The following LOXL2 variants were observed in gnomAD, a reference collection of about 807,000 sequenced individuals.
LOXL2 encodes lysyl oxidase like 2.
In LOXL2, 70 loss-of-function variants were observed where a neutral mutation model predicts 93.0. The observed-to-expected ratio is 0.75, with a 90% confidence interval of 0.62 to 0.92. The LOEUF (loss-of-function observed/expected upper bound fraction) is 0.92, where lower values mean the gene tolerates loss of function less well. Ranked by LOEUF, LOXL2 falls within the 40% of genes least tolerant of loss-of-function variation. The pLI, the probability that LOXL2 is intolerant of heterozygous loss-of-function variation, is 0.00. For missense variants in LOXL2, 973 were observed against 1,054.9 expected (o/e 0.92, Z 1.08); for synonymous variants, 438 against 413.2 (o/e 1.06, Z -0.73).
intron 12 of LOXL2, among the ~76,000 whole-genome samples, chr8:23,299,596 G>A (rs997332893): frequency 3.9e-5 from 6 of 152,174 alleles, no homozygotes; most frequent in Non-Finnish European, 8.8e-5. Context: ...TGTCTGTGAG[G>A]GAACAGAAAA....
chr8:23,322,348 G>T, intron 6 of LOXL2, 67 bp from the exon 7 acceptor site: 2 of 1,459,454 alleles, frequency 1.4e-6, no homozygotes, highest in Non-Finnish European at 1.9e-6. Flanking sequence ...TGGCAAGAAA[G>T]CCCTGGACAA....
chr8:23,401,672 A>C (rs1425943273), intron 1 of LOXL2, among the ~76,000 whole-genome samples: 2 of 152,198 alleles, frequency 1.3e-5, no homozygotes, highest in African/African-American at 4.8e-5. Flanking sequence ...GTTTTCTGGG[A>C]CTCAACACCT....
chr8:23,359,525 G>A (rs1048117484), intron 3 of LOXL2, among the ~76,000 whole-genome samples: 2 of 152,148 alleles, frequency 1.3e-5, no homozygotes, highest in African/African-American at 4.8e-5. Flanking sequence ...ACAACCATAA[G>A]AGCCTGCGTG....
chr8:23,401,743 A>T (rs1800154322), intron 1 of LOXL2, among the ~76,000 whole-genome samples: 1 of 152,236 alleles, frequency 6.6e-6, no homozygotes. Flanking sequence ...AAGCCCTTCC[A>T]CACTGGCCAT....
intron 3 of LOXL2, among the ~76,000 whole-genome samples, chr8:23,345,147 T>G (rs1214755195): frequency 6.6e-6 from 1 of 152,212 alleles, no homozygotes; most frequent in Non-Finnish European, 1.5e-5. Context: ...ACATGATAAA[T>G]CTTGGCAAGC....
At chr8:23,370,205 T>C (rs554486575) in intron 1 of LOXL2, among the ~76,000 whole-genome samples, 7 of 152,216 alleles carry the variant, frequency 4.6e-5, no homozygotes, top group African/African-American at 1.4e-4. Flanking sequence ...TATCAGCCTA[T>C]ACCAGCTTCA....
chr8:23,400,887 C>T (rs74689427), intron 1 of LOXL2, among the ~76,000 whole-genome samples: 2,192 of 152,252 alleles, frequency 0.014, 48 homozygotes, highest in African/African-American at 0.049. Flanking sequence ...GGAAACAAAC[C>T]CTGGCTTCCT....
At chr8:23,342,043 G>A (rs527651159) in intron 3 of LOXL2, among the ~76,000 whole-genome samples, 2 of 151,644 alleles carry the variant, frequency 1.3e-5, no homozygotes, top group African/African-American at 4.8e-5. Flanking sequence ...AAGATTCATT[G>A]GCAGGGCCCT....
At chr8:23,328,728 T>TGTGTGTGC (rs1008687608) in intron 5 of LOXL2, 163 bp from the exon 6 acceptor site, 1 of 629,260 alleles carries the variant, frequency 1.6e-6, no homozygotes, top group Non-Finnish European at 2.8e-6. Flanking sequence ...TGTGTGTGTG[T>TGTGTGTGC]GTGTGTGTGT....
chr8:23,322,614 C>T (rs956388629), intron 6 of LOXL2, among the ~76,000 whole-genome samples: 2 of 152,150 alleles, frequency 1.3e-5, no homozygotes, highest in East Asian at 1.9e-4. Context: ...GTTTCCTTCC[C>T]GACTTTAATA....
intron 1 of LOXL2, among the ~76,000 whole-genome samples, chr8:23,374,723 T>C (rs1404572122): frequency 6.6e-6 from 1 of 152,274 alleles, no homozygotes; most frequent in Non-Finnish European, 1.5e-5. Flanking sequence ...TTTATTCATG[T>C]GTCTGTTGGC....
At chr8:23,395,318 A>C (rs1436256628) in intron 1 of LOXL2, among the ~76,000 whole-genome samples, 14 of 75,056 alleles carry the variant, frequency 1.9e-4, no homozygotes, top group African/African-American at 4.8e-4. Flanking sequence ...AAGCCAGACC[A>C]AAAAAAAAAA....
At chr8:23,316,819 C>G in intron 9 of LOXL2, 130 bp downstream of exon 9, 1 of 950,240 alleles carries the variant, frequency 1.1e-6, no homozygotes, top group South Asian at 2.0e-5. Flanking sequence ...CAGTTTTTCT[C>G]CCTTAGGATT....
At chr8:23,379,559 T>C (rs10099528) in intron 1 of LOXL2, among the ~76,000 whole-genome samples, 152,254 of 152,346 alleles carry the variant, frequency 1, 76,083 homozygotes, top group Middle Eastern at 1. Flanking sequence ...GCAGGCAGGC[T>C]TCCTTGAGCT....
intron 7 of LOXL2, among the ~76,000 whole-genome samples, chr8:23,321,152 T>A (rs547475020): frequency 1.3e-5 from 2 of 152,312 alleles, no homozygotes; most frequent in South Asian, 4.1e-4. Flanking sequence ...CAGAGCAGTG[T>A]TCCTGCTCTA....
intron 12 of LOXL2, 78 bp from the exon 13 acceptor site, chr8:23,299,025 C>G: frequency 1.2e-6 from 1 of 841,276 alleles, no homozygotes; most frequent in Non-Finnish European, 2.1e-6. Context: ...TCTGAGAGAC[C>G]AGCACCTCAG....
chr8:23,312,879 A>G (rs1563187090), intron 9 of LOXL2, among the ~76,000 whole-genome samples: 1 of 114,448 alleles, frequency 8.7e-6, no homozygotes, highest in Non-Finnish European at 1.8e-5. Context: ...TGCAGACTAC[A>G]TGATTGTATA....
intron 3 of LOXL2, among the ~76,000 whole-genome samples, chr8:23,343,284 C>G (rs1215872135): frequency 6.6e-6 from 1 of 152,240 alleles, no homozygotes; most frequent in Non-Finnish European, 1.5e-5. Flanking sequence ...CAAGTGTCTT[C>G]CTTGCATTCT....
At chr8:23,375,124 A>G (rs1381232882) in intron 1 of LOXL2, among the ~76,000 whole-genome samples, 1 of 152,090 alleles carries the variant, frequency 6.6e-6, no homozygotes, top group Non-Finnish European at 1.5e-5. Flanking sequence ...ATTTTTGTAT[A>G]AGGTGTAACG....
Sources: gnomAD v4.1 joint callset for allele counts (sites outside exome capture counted in the v4.1 genomes callset) on GRCh38, gnomAD v4.1.1 for gene constraint, MANE v1.5 for transcripts, NCBI Gene and HGNC (gene_info 2026-07-23, HGNC 2026-07-21) for gene names.